The following AOAH variants were observed in gnomAD, a reference collection of about 807,000 sequenced individuals.
AOAH encodes the protein acyloxyacyl hydrolase (neutrophil).
AOAH carries 64 observed loss-of-function variants against 92.2 expected under a neutral mutation model. That is an observed-to-expected ratio of 0.69 (90% confidence interval 0.57 to 0.86). AOAH has a LOEUF of 0.86. Ranked by LOEUF, AOAH falls within the 40% of genes least tolerant of loss-of-function variation. The pLI, the probability that AOAH is intolerant of heterozygous loss-of-function variation, is 0.00. For missense variants in AOAH, 656 were observed against 694.6 expected (o/e 0.94, Z 0.62); for synonymous variants, 263 against 254.5 (o/e 1.03, Z -0.32).
rs780156302 is a variant in AOAH at position 36,522,031 on chromosome 7, G to A, written c.1599+8C>T. The A allele has an allele frequency of 3.1e-6, 5 of 1,613,350 alleles. No individual in the cohort carries two copies. The highest frequency in any genetic ancestry group is 4.2e-6 in the Non-Finnish European group (5 of 1,179,352). ...AGCCTTCTGCAGCCACCATGTGACT[G>A]TGCTTACCTCGTTGGGGTGGAATCC... On this transcript the variant is annotated splice_region_variant and intron_variant, in intron 20 of 20. Transcript: ENST00000617537.
chr7:36,649,691 T>C (rs12539618), intron 4 of AOAH, among the ~76,000 whole-genome samples: 364 of 152,278 alleles, frequency 2.4e-3, no homozygotes, highest in African/African-American at 8.4e-3. Context: ...TTTCACTCTA[T>C]TAAATCTTGC....
chr7:36,634,172 A>C (rs1380538277), intron 5 of AOAH, among the ~76,000 whole-genome samples: 1 of 152,146 alleles, frequency 6.6e-6, no homozygotes, highest in African/African-American at 2.4e-5. Flanking sequence ...ATAAGCTTCT[A>C]CTAAGGTAGG....
chr7:36,632,214 G>A lies in AOAH; in HGVS notation c.451-108C>T, dbSNP rs148787971. 845 of 882,480 alleles carry A rather than the reference G, an allele frequency of 9.6e-4. 3 individuals are homozygous for A. Among genetic ancestry groups the A allele is most frequent in the African/African-American group, 8.7e-3 (509 of 58,444 alleles). The allele number at this position is 882,480 out of a possible 1,614,324, so 54.7% of individuals were successfully genotyped here. A position where few individuals can be genotyped will look rare whatever the true frequency, so the allele number is the denominator to read the frequency against. On this transcript the variant is annotated intron_variant, in intron 5 of 20. Transcript: ENST00000617537. Reference sequence around the variant, plus strand: ...AGGTTTCTGGATCCTCCTTCCTCTAGAATCCAGCCCATTTCACCTCTCTAA... The same window carrying A: ...AGGTTTCTGGATCCTCCTTCCTCTAAAATCCAGCCCATTTCACCTCTCTAA...
At position 36,624,942 on chromosome 7, in the gene AOAH, C is replaced by A. The variant is rs559832485; in HGVS notation, c.522-1692G>T. Among the ~76,000 whole-genome samples the A allele has an allele frequency of 3.3e-5, 5 of 152,336 alleles. No individual in the cohort carries two copies. In the South Asian group the frequency reaches 8.3e-4, roughly 25 times the overall value. The stretch of plus-strand genomic sequence containing the variant: ...TGCCTTCCTCTTTTTACTGTTTCAG[C>A]CTTTTTAGCACTTTTTAAACTGGTA... On this transcript the variant is annotated intron_variant, in intron 6 of 20. Transcript: ENST00000617537.
rs1272419469 is a variant in AOAH at position 36,620,748 on chromosome 7, AGAATGGGGTTCAAGCT to A, written c.702+17_702+32del. ...GCTTTAGGGGAGGGAGGAACAAAGG[AGAATGGGGTTCAAGCT>A]GAATTTAGTTGCTTACCCAAATGCC... On this transcript the variant is annotated intron_variant, in intron 9 of 20. Coordinates refer to ENST00000617537, the MANE Select transcript of AOAH (RefSeq NM_001637.4). 3.7e-6 allele frequency: 6 copies of A among 1,608,680 alleles called. No individual in the cohort carries two copies. The highest frequency in any genetic ancestry group is 4.3e-6 in the Non-Finnish European group (5 of 1,175,678).
At chr7:36,684,310 A>G (rs990668422) in intron 2 of AOAH, among the ~76,000 whole-genome samples, 18 of 152,204 alleles carry the variant, frequency 1.2e-4, no homozygotes, top group Admixed American at 2.0e-4. Flanking sequence ...ACTGAAACCC[A>G]TCAGGTGTGT....
At chr7:36,662,399 A>G (rs1350072026) in intron 3 of AOAH, among the ~76,000 whole-genome samples, 1 of 152,234 alleles carries the variant, frequency 6.6e-6, no homozygotes, top group Non-Finnish European at 1.5e-5. Context: ...TGCAACTAAA[A>G]GTATCAAAGA....
intron 1 of AOAH, among the ~76,000 whole-genome samples, chr7:36,719,886 T>C (rs540580529): frequency 1.3e-5 from 2 of 151,790 alleles, no homozygotes; most frequent in African/African-American, 2.4e-5. Context: ...CAGTGTGCTA[T>C]AATTGTACCA....
At chr7:36,678,600 T>TGTGTGTGTGCGCGCGC (rs549317369) in intron 2 of AOAH, among the ~76,000 whole-genome samples, 27 of 131,094 alleles carry the variant, frequency 2.1e-4, no homozygotes, top group South Asian at 8.4e-4. Flanking sequence ...TGTGTGTGTG[T>TGTGTGTGTGCGCGCGC]GCGCGCGCGC....
intron 1 of AOAH, among the ~76,000 whole-genome samples, chr7:36,702,080 C>T (rs936039158): frequency 2.4e-4 from 36 of 151,976 alleles, no homozygotes; most frequent in African/African-American, 8.2e-4. Context: ...TGTATTTGGG[C>T]TATTTTTGTC....
chr7:36,577,581 C>T (rs1788606796), intron 12 of AOAH, among the ~76,000 whole-genome samples: 1 of 152,082 alleles, frequency 6.6e-6, no homozygotes, highest in African/African-American at 2.4e-5. Flanking sequence ...AATTTGACAC[C>T]AGTATCAGGC....
chr7:36,601,669 G>A (rs554777245), intron 11 of AOAH, among the ~76,000 whole-genome samples: 1 of 152,312 alleles, frequency 6.6e-6, no homozygotes, highest in South Asian at 2.1e-4. Context: ...CTCAATAAAT[G>A]TTAGTAGCAT....
intron 13 of AOAH, among the ~76,000 whole-genome samples, chr7:36,564,096 T>C (rs1366878992): frequency 6.6e-6 from 1 of 152,214 alleles, no homozygotes; most frequent in African/African-American, 2.4e-5. Flanking sequence ...CTTTCAGCCA[T>C]GTCCAACTTC....
At chr7:36,701,940 G>T (rs1584150225) in intron 1 of AOAH, among the ~76,000 whole-genome samples, 1 of 151,970 alleles carries the variant, frequency 6.6e-6, no homozygotes, top group East Asian at 1.9e-4. Flanking sequence ...TTATTTAGAT[G>T]TTCATATTTC....
intron 1 of AOAH, among the ~76,000 whole-genome samples, chr7:36,699,346 G>A (rs1265602001): frequency 6.6e-6 from 1 of 151,924 alleles, no homozygotes; most frequent in Non-Finnish European, 1.5e-5. Context: ...TGGATCGTAT[G>A]GTAGTTCTAT....
chr7:36,688,109 T>C lies in AOAH; in HGVS notation c.128-1315A>G, dbSNP rs556310207. ...TAAGGATGCATTGATCACCATTAAT[T>C]ATCAAGGTTGATTGGCTGTGTTTCT... On this transcript the variant is annotated intron_variant, in intron 1 of 20. Coordinates refer to ENST00000617537, the MANE Select transcript of AOAH (RefSeq NM_001637.4). Among the ~76,000 whole-genome samples, 10 of 152,324 alleles carry C rather than the reference T, an allele frequency of 6.6e-5. No individual in the cohort carries two copies. The South Asian group carries it at 2.1e-3, about 32-fold the overall frequency.
At chr7:36,518,490 G>T (rs1174713321) in intron 20 of AOAH, among the ~76,000 whole-genome samples, 1 of 152,116 alleles carries the variant, frequency 6.6e-6, no homozygotes, top group Non-Finnish European at 1.5e-5. Context: ...CCCAATATTT[G>T]TCCTCAGTAC....
chr7:36,556,595 C>G (rs1786734970), intron 13 of AOAH, among the ~76,000 whole-genome samples: 1 of 148,548 alleles, frequency 6.7e-6, no homozygotes, highest in Admixed American at 6.7e-5. Context: ...GTTAAAGTCT[C>G]CCATTATTAT....
chr7:36,608,912 G>C lies in AOAH; in HGVS notation c.846+7468C>G, dbSNP rs201532263. Among the ~76,000 whole-genome samples the C allele has an allele frequency of 2.8e-3, 394 of 139,722 alleles. 6 individuals are homozygous for C. Among genetic ancestry groups the C allele is most frequent in the Middle Eastern group, 0.015 (4 of 272 alleles). The allele number at this position is 139,722 out of a possible 152,430, so 91.7% of individuals were successfully genotyped here. A position where few individuals can be genotyped will look rare whatever the true frequency, so the allele number is the denominator to read the frequency against. On this transcript the variant is annotated intron_variant, in intron 11 of 20. Transcript: ENST00000617537. ...TATTAGGAGCTGTTGCGGCGGGGAG[G>C]GGGGGGGGTCTGGTACAAAGAGACA... is the stretch of plus-strand genomic sequence containing the variant.
Sources: allele counts gnomAD v4.1 joint callset (sites outside exome capture counted in the v4.1 genomes callset), GRCh38; gene constraint gnomAD v4.1.1; transcripts MANE v1.5; gene names NCBI Gene and HGNC (gene_info 2026-07-23, HGNC 2026-07-21).